Variants in RNF138 observed in about 807,000 individuals in gnomAD.
The protein encoded by RNF138 is E3 ubiquitin-protein ligase RNF138.
RNF138 carries 12 observed loss-of-function variants against 31.0 expected under a neutral mutation model. The observed-to-expected ratio is 0.39, with a 90% CI of 0.25 to 0.63. The LOEUF (loss-of-function observed/expected upper bound fraction) is 0.63. Among genes scored for constraint, RNF138 ranks in the 20% least tolerant of loss-of-function variants. RNF138 has a pLI of 0.52. For missense variants in RNF138, 192 were observed against 300.1 expected (o/e 0.64, Z 2.66); for synonymous variants, 105 against 99.5 (o/e 1.06, Z -0.33).
At chr18:32,120,682 C>T (rs1345162013) in intron 4 of RNF138, among the ~76,000 whole-genome samples, 3 of 152,018 alleles carry the variant, frequency 2.0e-5, no homozygotes, top group Non-Finnish European at 2.9e-5. Context: ...ATGATGATGA[C>T]AGTAATAGTG....
chr18:32,103,809 A>G (rs1256131331), intron 2 of RNF138, among the ~76,000 whole-genome samples: 1 of 150,926 alleles, frequency 6.6e-6, no homozygotes, highest in African/African-American at 2.4e-5. Context: ...TAAAAATACA[A>G]AAAAAAATTA....
chr18:32,129,897 G>C lies in RNF138; in HGVS notation c.*710G>C, dbSNP rs1340928645. 6.6e-6 allele frequency: 1 copy of C among 152,218 alleles called. No homozygotes were observed. Among genetic ancestry groups the C allele is most frequent in the South Asian group, 2.1e-4 (1 of 4,830 alleles). 9.4% of individuals were successfully genotyped at this position (152,218 alleles called of 1,614,324 possible). Reference sequence around the variant, plus strand: ...AGTCTTTGACTGATTTGTAAGCCTAGAATATACTAAGCTGAATAACAGCTC... The same window carrying C: ...AGTCTTTGACTGATTTGTAAGCCTACAATATACTAAGCTGAATAACAGCTC... On this transcript the variant is annotated 3_prime_UTR_variant, in exon 8 of 8. Transcript: ENST00000261593.
chr18:32,123,865 C>G (rs2040345457), intron 5 of RNF138: 1 of 180,338 alleles, frequency 5.5e-6, no homozygotes, highest in South Asian at 1.4e-4. Flanking sequence ...GTTGGCCAGG[C>G]TGGTCTCGAA....
intron 2 of RNF138, among the ~76,000 whole-genome samples, chr18:32,109,015 C>T (rs927246259): frequency 2.0e-5 from 3 of 152,052 alleles, no homozygotes; most frequent in Non-Finnish European, 4.4e-5. Context: ...GGAATTTATG[C>T]GCTCTAATGG....
rs1209838336 is a variant in RNF138, at chr18:32,117,519, AAAAT to A, written c.392+3664_392+3667del. Reference sequence around the variant, plus strand: ...GCAACTGAGTAGAAAAAAAAATTGCAAAATAAATCCATAGATCATTTCACTAATT... The same window carrying A: ...GCAACTGAGTAGAAAAAAAAATTGCAAAATCCATAGATCATTTCACTAATT... On this transcript the variant is annotated intron_variant, in intron 4 of 7. Coordinates refer to ENST00000261593, the MANE Select transcript of RNF138 (RefSeq NM_016271.5). Among the ~76,000 whole-genome samples, 25 of 152,332 alleles carry A rather than the reference AAAAT, an allele frequency of 1.6e-4. No individual in the cohort carries two copies. In the East Asian group the frequency reaches 3.9e-3, roughly 23 times the overall value.
intron 7 of RNF138, among the ~76,000 whole-genome samples, chr18:32,128,737 T>G (rs533192460): frequency 7.4e-4 from 112 of 152,296 alleles, no homozygotes; most frequent in African/African-American, 2.5e-3. Context: ...GACCTCAAAC[T>G]CATAGGCTCA....
rs1356548027 is a variant in RNF138 at position 32,126,429 on chromosome 18, G to T, written c.562-264G>T. On this transcript the variant is annotated intron_variant, in intron 6 of 7. Coordinates refer to ENST00000261593, the MANE Select transcript of RNF138 (RefSeq NM_016271.5). Reference sequence around the variant, plus strand: ...GTCATTACAGTTGGTATTATTAAAAGCTAGATGTGGTTTTTCTGTTGAAAC... The same window carrying T: ...GTCATTACAGTTGGTATTATTAAAATCTAGATGTGGTTTTTCTGTTGAAAC... Among the ~76,000 whole-genome samples, 3 of 152,138 alleles carry T rather than the reference G, an allele frequency of 2.0e-5. No individual in the cohort carries two copies. The East Asian group carries it at 5.8e-4, about 29-fold the overall frequency.
chr18:32,114,315 GT>G (rs895294594), intron 4 of RNF138, among the ~76,000 whole-genome samples: 1 of 152,012 alleles, frequency 6.6e-6, no homozygotes, highest in Non-Finnish European at 1.5e-5. Flanking sequence ...GTGCAGTTCT[GT>G]TTGAGTCTCA....
intron 4 of RNF138, among the ~76,000 whole-genome samples, chr18:32,116,006 A>T (rs2040210814): frequency 6.6e-6 from 1 of 152,184 alleles, no homozygotes; most frequent in African/African-American, 2.4e-5. Context: ...ATTGTATTAC[A>T]TTGTCAAGAA....
At chr18:32,098,215 A>G (rs2039849984) in intron 2 of RNF138, among the ~76,000 whole-genome samples, 1 of 151,980 alleles carries the variant, frequency 6.6e-6, no homozygotes, top group Non-Finnish European at 1.5e-5. Flanking sequence ...TTTGAACTCC[A>G]GGCTGGTTTT....
chr18:32,097,243 G>A (rs2039825174), intron 2 of RNF138, among the ~76,000 whole-genome samples: 1 of 152,172 alleles, frequency 6.6e-6, no homozygotes, highest in African/African-American at 2.4e-5. Context: ...CATGGCAGAA[G>A]TAAGCTACTA....
intron 2 of RNF138, among the ~76,000 whole-genome samples, chr18:32,095,290 C>T (rs1295983503): frequency 6.6e-6 from 1 of 152,258 alleles, no homozygotes; most frequent in South Asian, 2.1e-4. Context: ...CCGCCTCAGC[C>T]TCTCAAGTTG....
rs952037790 is a variant in RNF138 at position 32,130,301 on chromosome 18, T to TAC, written c.*1124_*1125dup. On this transcript the variant is annotated 3_prime_UTR_variant, in exon 8 of 8. Coordinates refer to ENST00000261593, the MANE Select transcript of RNF138 (RefSeq NM_016271.5). ...ACTATTACACCTTAAAAATTGAGTTTACACACACACAATTACCTGTTTATA... is the reference window on the plus strand; with the variant it reads ...ACTATTACACCTTAAAAATTGAGTTTACACACACACACAATTACCTGTTTATA... The TAC allele has an allele frequency of 7.2e-5, 11 of 152,342 alleles. No individual in the cohort carries two copies. Among genetic ancestry groups the TAC allele is most frequent in the African/African-American group, 2.4e-4 (10 of 41,438 alleles). 9.4% of individuals were successfully genotyped at this position (152,342 alleles called of 1,614,324 possible).
chr18:32,124,876 C>A, intron 6 of RNF138, 31 bp downstream of exon 6: 2 of 1,062,220 alleles, frequency 1.9e-6, no homozygotes, highest in Non-Finnish European at 2.9e-6. Context: ...CAGTCTTCTG[C>A]TTAGAATAAA....
Position 32,130,844 on chromosome 18 carries a change from GGT to G in RNF138, c.*1660_*1661del, listed in dbSNP as rs2144311759. ...CCTTTGTTCTGTCATTTTAAAGAGT[GGT>G]GTTTACTATGTGTGTGCTTGAGCAT... On this transcript the variant is annotated 3_prime_UTR_variant, in exon 8 of 8. Coordinates refer to ENST00000261593, the MANE Select transcript of RNF138 (RefSeq NM_016271.5). 6.6e-6 allele frequency: 1 copy of G among 152,520 alleles called. No homozygotes were observed. The highest frequency in any genetic ancestry group is 2.4e-5 in the African/African-American group (1 of 41,544). The allele number at this position is 152,520 out of a possible 1,614,324, so 9.4% of individuals were successfully genotyped here.
Position 32,092,803 on chromosome 18 carries a change from G to A in RNF138, c.27G>A (p.Thr9=), listed in dbSNP as rs2039723250. The change falls in exon 2 of 8, where the codon ACG becomes ACA. Residue 9 remains threonine (T), a synonymous_variant. Transcript: ENST00000261593. ...TGGCCGAGGACCTCTCTGCGGCCAC[G>A]TCCTACACCGAAGATGATTTCTACT... MAEDLSAA[T]SYTEDDFYCP... 2 of 1,595,020 alleles carry A rather than the reference G, an allele frequency of 1.3e-6. No individual in the cohort carries two copies. Among genetic ancestry groups the A allele is most frequent in the Non-Finnish European group, 1.7e-6 (2 of 1,173,692 alleles).
At chr18:32,092,412 C>T (rs1247652322) in intron 1 of RNF138, among the ~76,000 whole-genome samples, 177 bp downstream of exon 1, 1 of 151,654 alleles carries the variant, frequency 6.6e-6, no homozygotes, top group Non-Finnish European at 1.5e-5. Context: ...GGCGCGAGCC[C>T]GCGCCTGGAG....
chr18:32,111,592 A>T (rs1174730575), intron 2 of RNF138, among the ~76,000 whole-genome samples, 162 bp from the exon 3 acceptor site: 1 of 152,250 alleles, frequency 6.6e-6, no homozygotes, highest in Non-Finnish European at 1.5e-5. Context: ...TTACTCTCTG[A>T]TAAATACATA....
intron 4 of RNF138, among the ~76,000 whole-genome samples, chr18:32,121,275 C>G (rs1165410447): frequency 1.3e-5 from 2 of 152,146 alleles, no homozygotes; most frequent in Non-Finnish European, 2.9e-5. Flanking sequence ...GCGGGCAGAT[C>G]ACCTGAGGTT....
Sources: gnomAD v4.1 joint callset for allele counts (sites outside exome capture counted in the v4.1 genomes callset) on GRCh38, gnomAD v4.1.1 for gene constraint, MANE v1.5 for transcripts, NCBI Gene and HGNC (gene_info 2026-07-23, HGNC 2026-07-21) for gene names.